The following NDUFAF2 variants were observed in gnomAD, a reference collection of about 807,000 sequenced individuals.
The protein encoded by NDUFAF2 is NADH:ubiquinone oxidoreductase complex assembly factor 2.
NDUFAF2 carries 13 observed loss-of-function variants against 22.8 expected under a neutral mutation model. The observed-to-expected ratio is 0.57, with a 90% confidence interval of 0.37 to 0.91. NDUFAF2 has a LOEUF of 0.91. Ranked by LOEUF, NDUFAF2 falls within the 40% of genes least tolerant of loss-of-function variation. The pLI, the probability that NDUFAF2 is intolerant of heterozygous loss-of-function variation, is 0.01. For missense variants in NDUFAF2, 162 were observed against 195.2 expected, an observed-to-expected ratio of 0.83 and a Z score of 1.01; for synonymous variants, 53 against 64.2, an observed-to-expected ratio of 0.83 and a Z score of 0.84.
chr5:61,075,113 T>C (rs1752351351), intron 2 of NDUFAF2, among the ~76,000 whole-genome samples: 1 of 152,126 alleles, frequency 6.6e-6, no homozygotes, highest in African/African-American at 2.4e-5. Context: ...ATATCACCCA[T>C]TTAATAGATG....
At chr5:61,137,440 G>A (rs159375) in intron 3 of NDUFAF2, among the ~76,000 whole-genome samples, 95,192 of 152,134 alleles carry the variant, frequency 0.63, 30,610 homozygotes, top group East Asian at 0.94. Flanking sequence ...AGGATTATGA[G>A]ATATGATAAG....
chr5:61,088,031 C>T (rs984661001), intron 2 of NDUFAF2, among the ~76,000 whole-genome samples: 43 of 152,188 alleles, frequency 2.8e-4, no homozygotes, highest in African/African-American at 7.9e-4. Context: ...CATCTAGAGA[C>T]TTGATTAGGA....
chr5:60,970,847 A>G (rs1351439481), intron 1 of NDUFAF2, among the ~76,000 whole-genome samples: 2 of 151,790 alleles, frequency 1.3e-5, no homozygotes, highest in Non-Finnish European at 2.9e-5. Context: ...AGGCTGTTAA[A>G]CTCTTCATCA....
intron 1 of NDUFAF2, among the ~76,000 whole-genome samples, chr5:61,053,035 A>G (rs1235104931): frequency 2.9e-4 from 44 of 152,338 alleles, no homozygotes; most frequent in Non-Finnish European, 2.9e-5. Flanking sequence ...GAGTCACTTC[A>G]TTGGCATGAG....
At chr5:60,967,418 C>A (rs144023525) in intron 1 of NDUFAF2, among the ~76,000 whole-genome samples, 1 of 151,922 alleles carries the variant, frequency 6.6e-6, no homozygotes, top group Admixed American at 6.6e-5. Context: ...TGTCTTGATT[C>A]GGATCTTAGA....
intron 3 of NDUFAF2, among the ~76,000 whole-genome samples, chr5:61,113,960 A>G (rs942582225): frequency 6.6e-6 from 1 of 151,782 alleles, no homozygotes; most frequent in African/African-American, 2.4e-5. Flanking sequence ...TCCTTTCTTT[A>G]TCCTTAACCT....
chr5:61,132,054 C>T (rs1426039174), intron 3 of NDUFAF2, among the ~76,000 whole-genome samples: 2 of 152,108 alleles, frequency 1.3e-5, no homozygotes, highest in Non-Finnish European at 2.9e-5. Flanking sequence ...TTTCTTGTTT[C>T]TTTGCTAAAC....
chr5:61,128,530 C>G (rs1179403223), intron 3 of NDUFAF2, among the ~76,000 whole-genome samples: 8 of 152,060 alleles, frequency 5.3e-5, no homozygotes, highest in Non-Finnish European at 5.9e-5. Context: ...ATGAACCTGA[C>G]AAAAACAAGA....
intron 2 of NDUFAF2, among the ~76,000 whole-genome samples, chr5:61,074,567 CAG>C (rs966161188): frequency 1.3e-5 from 2 of 148,206 alleles, no homozygotes; most frequent in Non-Finnish European, 3.0e-5. Flanking sequence ...AGCCTGGTGA[CAG>C]AGTGAGACTC....
At chr5:61,065,430 G>T (rs1028560085) in intron 1 of NDUFAF2, among the ~76,000 whole-genome samples, 2 of 151,920 alleles carry the variant, frequency 1.3e-5, no homozygotes. Context: ...GATGAACATT[G>T]GTGTAAAAAT....
chr5:61,128,112 G>A (rs1272469888), intron 3 of NDUFAF2, among the ~76,000 whole-genome samples: 1 of 152,126 alleles, frequency 6.6e-6, no homozygotes, highest in Non-Finnish European at 1.5e-5. Flanking sequence ...ACCTCTTCAA[G>A]GAGAACTACA....
chr5:61,141,116 A>T (rs1741048830), intron 3 of NDUFAF2, among the ~76,000 whole-genome samples: 1 of 151,970 alleles, frequency 6.6e-6, no homozygotes, highest in Admixed American at 6.6e-5. Flanking sequence ...AATCCCAGCT[A>T]CTCTGAAGGC....
chr5:61,009,927 C>T (rs1751422940), intron 1 of NDUFAF2, among the ~76,000 whole-genome samples: 1 of 152,026 alleles, frequency 6.6e-6, no homozygotes, highest in African/African-American at 2.4e-5. Flanking sequence ...TATTTCTTGT[C>T]TTAATAAATG....
chr5:61,086,984 A>G (rs374621396), intron 2 of NDUFAF2, among the ~76,000 whole-genome samples: 1 of 152,194 alleles, frequency 6.6e-6, no homozygotes, highest in East Asian at 1.9e-4. Context: ...AAGAGGATTT[A>G]TGGTGTGGAC....
chr5:61,103,756 A>G (rs1752729801), intron 3 of NDUFAF2, among the ~76,000 whole-genome samples: 1 of 152,244 alleles, frequency 6.6e-6, no homozygotes, highest in East Asian at 1.9e-4. Flanking sequence ...TATTTTGTTC[A>G]TAGGAATTCA....
In NDUFAF2 at chr5:60,958,681, C is replaced by CAT. The variant is rs1386914469; in HGVS notation, c.127+13301_127+13302dup. On this transcript the variant is annotated intron_variant, in intron 1 of 3. Transcript: ENST00000296597. ...ATTCAGATGTTTACGGACCCAGAGG[C>CAT]ATAAAGACAAAAACAAAACAAAATA... is the stretch of plus-strand genomic sequence containing the variant. Among the ~76,000 whole-genome samples the CAT allele has an allele frequency of 1.3e-5, 2 of 151,966 alleles. 1 individual carries two copies. Among genetic ancestry groups the CAT allele is most frequent in the East Asian group, 3.9e-4 (2 of 5,180 alleles).
intron 1 of NDUFAF2, among the ~76,000 whole-genome samples, chr5:60,952,324 A>C (rs932995032): frequency 6.6e-6 from 1 of 151,826 alleles, no homozygotes; most frequent in Admixed American, 6.6e-5. Context: ...TTTATTTTTT[A>C]ATATACATTT....
chr5:61,024,094 G>C (rs1751620472), intron 1 of NDUFAF2, among the ~76,000 whole-genome samples: 1 of 152,044 alleles, frequency 6.6e-6, no homozygotes, highest in Admixed American at 6.6e-5. Flanking sequence ...TCTGTGTTTG[G>C]AGCAGGAAGG....
chr5:60,953,147 A>G (rs769223322), intron 1 of NDUFAF2, among the ~76,000 whole-genome samples: 1 of 152,178 alleles, frequency 6.6e-6, no homozygotes, highest in Non-Finnish European at 1.5e-5. Flanking sequence ...CAAAAAGTGT[A>G]GAAAACCACA....
Sources: gnomAD v4.1 joint callset for allele counts (sites outside exome capture counted in the v4.1 genomes callset) on GRCh38, gnomAD v4.1.1 for gene constraint, MANE v1.5 for transcripts, NCBI Gene and HGNC (gene_info 2026-07-23, HGNC 2026-07-21) for gene names.